CMYA5: variants seen among roughly 807,000 people sequenced by gnomAD.
The protein encoded by CMYA5 is cardiomyopathy associated 5.
CMYA5 carries 246 observed loss-of-function variants against 318.9 expected under a neutral mutation model. The observed-to-expected ratio is 0.77, with a 90% CI of 0.70 to 0.86. The LOEUF is 0.86. Ranked by LOEUF, CMYA5 falls within the 40% of genes least tolerant of loss-of-function variation. CMYA5 has a pLI of 0.00. For synonymous variants in CMYA5, 1,641 were observed against 1,729.5 expected, an observed-to-expected ratio of 0.95 and a Z score of 1.27; for missense variants, 4,589 against 4,678.2, an observed-to-expected ratio of 0.98 and a Z score of 0.56.
chr5:79,798,068 G>A (rs561918610), intron 12 of CMYA5, among the ~76,000 whole-genome samples: 17 of 152,136 alleles, frequency 1.1e-4, no homozygotes, highest in African/African-American at 4.1e-4. Flanking sequence ...CATTAGCAAG[G>A]CATTGAAAAG....
intron 1 of CMYA5, among the ~76,000 whole-genome samples, chr5:79,727,525 T>C (rs915851713): frequency 6.6e-6 from 1 of 152,224 alleles, no homozygotes; most frequent in Non-Finnish European, 1.5e-5. Context: ...GAAGGTTTTT[T>C]GTTTTTATTG....
rs1415331456 is a variant in CMYA5 at position 79,735,331 on chromosome 5, C to T, written c.6566C>T (p.Ser2189Leu). 36 of 1,613,466 alleles carry T rather than the reference C, an allele frequency of 2.2e-5. No individual in the cohort carries two copies. The highest frequency in any genetic ancestry group is 2.7e-5 in the African/African-American group (2 of 74,854). The part of the protein sequence containing the change: ...KSWMSSLFFG[S>L]STPDNKVAEQ... ...TGGATGTCCAGCTTGTTTTTTGGATCGAGCACTCCAGATAACAAAGTTGCT... is the reference window on the plus strand; with the variant it reads ...TGGATGTCCAGCTTGTTTTTTGGATTGAGCACTCCAGATAACAAAGTTGCT... Residue 2189 changes from serine (S) to leucine (L), a missense_variant, in exon 2 of 13, where the codon TCG becomes TTG. Ser to Leu is a moderately radical substitution (Grantham distance 145). This residue lies in a region of CMYA5 where 2,431 missense variants were observed against 2,495.1 expected (regional missense o/e 0.97). Coordinates refer to ENST00000446378, the MANE Select transcript of CMYA5 (RefSeq NM_153610.5).
rs1239633811 is a variant in CMYA5, at chr5:79,729,340, C to T, written c.575C>T (p.Ala192Val). ...TCATATACTGGCATTTATGATAAAGCAAGAAAAAAGAAGACCACTTCAAAT... is the reference window on the plus strand; with the variant it reads ...TCATATACTGGCATTTATGATAAAGTAAGAAAAAAGAAGACCACTTCAAAT... Reference protein sequence around the residue: ...EKSYTGIYDKARKKKTTSNTP... With the variant: ...EKSYTGIYDKVRKKKTTSNTP... The change falls in exon 2 of 13, where the codon GCA becomes GTA. Residue 192 changes from alanine (A) to valine (V), a missense_variant. Physicochemically the swap from Ala to Val is moderately conservative, Grantham distance 64. Coordinates refer to ENST00000446378, the MANE Select transcript of CMYA5 (RefSeq NM_153610.5). 1 of 1,611,876 alleles carries T rather than the reference C, an allele frequency of 6.2e-7. No individual in the cohort carries two copies. The highest frequency in any genetic ancestry group is 1.3e-5 in the African/African-American group (1 of 74,644).
At chr5:79,697,278 C>A (rs1469841250) in intron 1 of CMYA5, among the ~76,000 whole-genome samples, 2 of 152,184 alleles carry the variant, frequency 1.3e-5, no homozygotes, top group African/African-American at 4.8e-5. Context: ...TCGCTGAAGC[C>A]TCCTTGCTCA....
At position 79,736,009 on chromosome 5, in the gene CMYA5, A is replaced by G. The variant is rs751531906; in HGVS notation, c.7244A>G (p.Glu2415Gly). The G allele has an allele frequency of 3.1e-6, 5 of 1,613,214 alleles. No individual in the cohort carries two copies. The highest frequency in any genetic ancestry group is 1.7e-4 in the Middle Eastern group (1 of 6,052). ...EKPESIILPV[E>G]ESKGSLIDFS... Reference sequence around the variant, plus strand: ...CCAGAGTCAATTATTTTGCCAGTAGAAGAATCAAAAGGCAGTTTAATTGAT... The same window carrying G: ...CCAGAGTCAATTATTTTGCCAGTAGGAGAATCAAAAGGCAGTTTAATTGAT... The change falls in exon 2 of 13, where the codon GAA becomes GGA. Residue 2415 changes from glutamate (E) to glycine (G), a missense_variant. Physicochemically the swap from Glu to Gly is moderately conservative, Grantham distance 98 (BLOSUM62 -2). Transcript: ENST00000446378.
intron 9 of CMYA5, among the ~76,000 whole-genome samples, chr5:79,770,600 A>G (rs1580798638): frequency 6.6e-6 from 1 of 151,558 alleles, no homozygotes; most frequent in African/African-American, 2.4e-5. Context: ...GCTTCTGCTC[A>G]CCCTCCATGG....
chr5:79,726,469 G>T (rs1038318134), intron 1 of CMYA5, among the ~76,000 whole-genome samples: 3 of 152,210 alleles, frequency 2.0e-5, no homozygotes, highest in Non-Finnish European at 4.4e-5. Flanking sequence ...TCAGGACCAA[G>T]ATACAGTATT....
chr5:79,734,721 A>G lies in CMYA5; in HGVS notation c.5956A>G (p.Lys1986Glu). Reference sequence around the variant, plus strand: ...TAAAAGTTACTCTTCTGAAGAAGTAAAGCTGGCTGAAGAACCAAAGTCTTT... The same window carrying G: ...TAAAAGTTACTCTTCTGAAGAAGTAGAGCTGGCTGAAGAACCAAAGTCTTT... ...SSKSYSSEEV[K>E]LAEEPKSLVL... Residue 1986 changes from lysine to glutamate, a missense_variant, in exon 2 of 13, where the codon AAG (lysine) becomes GAG (glutamate). This residue lies in a region of CMYA5 where 2,431 missense variants were observed against 2,495.1 expected (regional missense o/e 0.97). Transcript: ENST00000446378. The G allele has an allele frequency of 6.2e-7, 1 of 1,613,842 alleles. No homozygotes were observed. Among genetic ancestry groups the G allele is most frequent in the African/African-American group, 1.3e-5 (1 of 75,040 alleles).
intron 1 of CMYA5, among the ~76,000 whole-genome samples, chr5:79,726,844 G>T (rs1388332513): frequency 1.3e-5 from 2 of 151,334 alleles, no homozygotes; most frequent in Non-Finnish European, 2.9e-5. Flanking sequence ...ACCAGGAAGG[G>T]TTTGCAGTGA....
chr5:79,729,291 G>A lies in CMYA5; in HGVS notation c.526G>A (p.Val176Ile), dbSNP rs1204335835. ...CAGTCCTTTAACTTCAGCAAGCCAG[G>A]TACTAACCACGGAGAAAGAGAAGTC... The part of the protein sequence containing the change: ...KGSPLTSASQ[V>I]LTTEKEKSYT... The change falls in exon 2 of 13, where the codon GTA becomes ATA. Residue 176 changes from valine (V) to isoleucine (I), a missense_variant. This residue lies in a region of CMYA5 where 2,132 missense variants were observed against 2,131.3 expected (regional missense o/e 1.00). Transcript: ENST00000446378. The A allele has an allele frequency of 6.2e-7, 1 of 1,611,058 alleles. No homozygotes were observed. Among genetic ancestry groups the A allele is most frequent in the Non-Finnish European group, 8.5e-7 (1 of 1,179,176 alleles).
intron 2 of CMYA5, among the ~76,000 whole-genome samples, chr5:79,741,086 C>T (rs554504030): frequency 6.6e-6 from 1 of 152,272 alleles, no homozygotes; most frequent in East Asian, 1.9e-4. Flanking sequence ...CTGTGCTGCC[C>T]AGGCTGCTCT....
chr5:79,731,474 T>G lies in CMYA5; in HGVS notation c.2709T>G (p.Phe903Leu). The change falls in exon 2 of 13, where the codon TTT becomes TTG. Residue 903 changes from phenylalanine (F) to leucine (L), a missense_variant. By Grantham distance (22) the Phe-to-Leu change is conservative. Around this residue, in one of 3 missense-constraint regions of CMYA5, gnomAD observed 2,132 missense variants for 2,131.3 expected, o/e 1.00. Transcript: ENST00000446378. ...YTPSSTSASEFSVPPYATPEA... is the reference protein window; with the variant it reads ...YTPSSTSASELSVPPYATPEA... ...CCTCTTCTACATCTGCTTCTGAATT[T>G]TCAGTACCACCATATGCAACACCGG... 1 of 1,608,374 alleles carries G rather than the reference T, an allele frequency of 6.2e-7. No individual in the cohort carries two copies. The highest frequency in any genetic ancestry group is 1.1e-5 in the South Asian group (1 of 90,056).
At position 79,754,723 on chromosome 5, in the gene CMYA5, T is replaced by C. The variant is rs114381569; in HGVS notation, c.11110+1929T>C. Among the ~76,000 whole-genome samples the C allele has an allele frequency of 7.2e-3, 1,095 of 152,266 alleles. 8 individuals carry two copies. Among genetic ancestry groups the C allele is most frequent in the African/African-American group, 0.025 (1,052 of 41,538 alleles). The stretch of plus-strand genomic sequence containing the variant: ...GCCCATTTTTAATTGTACAGTTTAG[T>C]GGCATTAAGGACATTCACATTGTGG... On this transcript the variant is annotated intron_variant, in intron 6 of 12. Transcript: ENST00000446378.
chr5:79,772,121 GA>G lies in CMYA5; in HGVS notation c.11555+8922del, dbSNP rs34474687. On this transcript the variant is annotated intron_variant, in intron 9 of 12. Coordinates refer to ENST00000446378, the MANE Select transcript of CMYA5 (RefSeq NM_153610.5). Reference sequence around the variant, plus strand: ...AAACCAATGACAGTTCCATTTGTAGGAAAAAAAAAAGACCATCCACCAATTT... The same window carrying G: ...AAACCAATGACAGTTCCATTTGTAGGAAAAAAAAAGACCATCCACCAATTT... 1.0e-4 allele frequency among the ~76,000 whole-genome samples: 15 copies of G among 148,096 alleles called. 1 individual carries two copies. The highest frequency in any genetic ancestry group is 2.1e-4 in the South Asian group (1 of 4,666).
chr5:79,769,755 C>G (rs1828820515), intron 9 of CMYA5, among the ~76,000 whole-genome samples: 1 of 152,180 alleles, frequency 6.6e-6, no homozygotes, highest in African/African-American at 2.4e-5. Flanking sequence ...TGGGAAGTGT[C>G]TCCCAAGTCA....
intron 1 of CMYA5, among the ~76,000 whole-genome samples, chr5:79,707,476 C>T (rs1827295930): frequency 6.6e-6 from 1 of 152,122 alleles, no homozygotes; most frequent in African/African-American, 2.4e-5. Context: ...ATTAATTTTG[C>T]TTAGTTACAC....
At position 79,730,202 on chromosome 5, in the gene CMYA5, T is replaced by C; in HGVS notation, c.1437T>C (p.Ser479=). ...VSAKLTPTHP[S]VKGEKEENML... ...CAAAACTGACCCCTACCCATCCCAG[T>C]GTCAAAGGAGAGAAGGAGGAAAACA... The change falls in exon 2 of 13, where the codon AGT becomes AGC. Residue 479 remains serine, a synonymous_variant. Transcript: ENST00000446378. The C allele has an allele frequency of 6.2e-7, 1 of 1,613,910 alleles. No homozygotes were observed. Among genetic ancestry groups the C allele is most frequent in the Non-Finnish European group, 8.5e-7 (1 of 1,179,862 alleles).
intron 6 of CMYA5, among the ~76,000 whole-genome samples, chr5:79,758,187 G>A (rs561009495): frequency 1.3e-5 from 2 of 151,410 alleles, no homozygotes; most frequent in South Asian, 2.1e-4. Context: ...CCAAGATTGC[G>A]CCACTGCACT....
intron 3 of CMYA5, among the ~76,000 whole-genome samples, chr5:79,744,996 A>T (rs1828287860): frequency 6.6e-6 from 1 of 152,208 alleles, no homozygotes; most frequent in Non-Finnish European, 1.5e-5. Context: ...ATGGTAGCTA[A>T]AACTTTCTTG....
Sources: gnomAD v4.1 joint callset for allele counts (sites outside exome capture counted in the v4.1 genomes callset) on GRCh38, gnomAD v4.1.1 for gene constraint, gnomAD v4.1.1 regional missense constraint, MANE v1.5 for transcripts, NCBI Gene and HGNC (gene_info 2026-07-23, HGNC 2026-07-21) for gene names.